DAB1: variants seen among roughly 807,000 people sequenced by gnomAD.
DAB1 encodes DAB adaptor protein 1, also known as disabled homolog 1.
DAB1 carries 15 observed loss-of-function variants against 64.6 expected under a neutral mutation model. That is an observed-to-expected ratio of 0.23 (90% confidence interval 0.16 to 0.36). DAB1 has a LOEUF of 0.36. DAB1 is among the 10% of genes least tolerant of loss of function. DAB1 has a pLI of 1.00. For missense variants in DAB1, 596 were observed against 706.7 expected, an observed-to-expected ratio of 0.84 and a Z score of 1.78; for synonymous variants, 235 against 251.9, an observed-to-expected ratio of 0.93 and a Z score of 0.64.
chr1:58,026,861 A>G (rs1414963104), intron 5 of DAB1, among the ~76,000 whole-genome samples: 2 of 152,176 alleles, frequency 1.3e-5, no homozygotes, highest in Non-Finnish European at 2.9e-5. Flanking sequence ...CTGGAGGTCA[A>G]TTTGCCAGGT....
intron 6 of DAB1, among the ~76,000 whole-genome samples, chr1:57,735,609 G>GTTTTTTTTTT (rs59456674): frequency 1.1e-5 from 1 of 95,198 alleles, no homozygotes; most frequent in African/African-American, 4.2e-5. Flanking sequence ...CTGTTTGCTT[G>GTTTTTTTTTT]TTTTTTTTTT....
chr1:58,062,487 C>T (rs1309215343), intron 5 of DAB1, among the ~76,000 whole-genome samples: 1 of 152,212 alleles, frequency 6.6e-6, no homozygotes, highest in Non-Finnish European at 1.5e-5. Context: ...TCTGCTATTC[C>T]AGCTTCCAAG....
chr1:57,384,204 A>T (rs983592992), intron 1 of DAB1, among the ~76,000 whole-genome samples: 3 of 152,180 alleles, frequency 2.0e-5, no homozygotes, highest in African/African-American at 7.2e-5. Context: ...ATCACTTCAC[A>T]TCTGTTAGGA....
chr1:58,302,631 CTGTG>C (rs1662198510), intron 4 of DAB1, among the ~76,000 whole-genome samples: 1 of 151,502 alleles, frequency 6.6e-6, no homozygotes, highest in African/African-American at 2.4e-5. Context: ...CATTTTCTAG[CTGTG>C]TGGCTCCAAG....
intron 2 of DAB1, among the ~76,000 whole-genome samples, chr1:57,252,392 A>G (rs1474658121): frequency 6.6e-6 from 1 of 152,194 alleles, no homozygotes; most frequent in Non-Finnish European, 1.5e-5. Context: ...TCCATTGATA[A>G]TAACAATAAA....
chr1:58,140,391 TG>T (rs1465843940), intron 5 of DAB1, among the ~76,000 whole-genome samples: 1 of 152,162 alleles, frequency 6.6e-6, no homozygotes, highest in African/African-American at 2.4e-5. Flanking sequence ...TTTCAGCCTT[TG>T]TCTCCCTCCA....
chr1:57,419,189 C>T (rs968608305), intron 1 of DAB1, among the ~76,000 whole-genome samples: 2 of 152,170 alleles, frequency 1.3e-5, no homozygotes, highest in Non-Finnish European at 2.9e-5. Context: ...TTTCAAGCCA[C>T]GTCTCTATCC....
intron 2 of DAB1, among the ~76,000 whole-genome samples, chr1:57,154,814 A>G (rs1474931630): frequency 6.6e-6 from 1 of 152,118 alleles, no homozygotes; most frequent in Non-Finnish European, 1.5e-5. Flanking sequence ...GCACCTTTTC[A>G]TATGCCTGTT....
chr1:57,466,810 C>T (rs1686968947), intron 7 of DAB1, among the ~76,000 whole-genome samples: 1 of 152,100 alleles, frequency 6.6e-6, no homozygotes, highest in Non-Finnish European at 1.5e-5. Context: ...ACTGTCAACC[C>T]CTAATGCTAC....
intron 6 of DAB1, among the ~76,000 whole-genome samples, chr1:57,684,584 C>T (rs531690136): frequency 1.8e-4 from 28 of 152,280 alleles, no homozygotes; most frequent in Middle Eastern, 3.4e-3. Context: ...TTCATTACAA[C>T]TAGATCAGTC....
chr1:58,195,134 GAGAGAGAGACAGAGAGAC>G (rs940286235), intron 4 of DAB1, among the ~76,000 whole-genome samples: 18 of 139,996 alleles, frequency 1.3e-4, no homozygotes, highest in Admixed American at 3.5e-4. Context: ...AGGAGAGAGA[GAGAGAGAGACAGAGAGAC>G]AGAGAGAGAC....
chr1:57,379,849 C>T (rs534586512), intron 1 of DAB1, among the ~76,000 whole-genome samples: 13 of 152,182 alleles, frequency 8.5e-5, no homozygotes, highest in East Asian at 3.9e-4. Flanking sequence ...CAAGGGCTTG[C>T]GTTCAAAATC....
At chr1:58,184,146 G>A (rs1218729002) in intron 4 of DAB1, among the ~76,000 whole-genome samples, 2 of 151,880 alleles carry the variant, frequency 1.3e-5, no homozygotes, top group Non-Finnish European at 2.9e-5. Context: ...GTTCAGAACT[G>A]CCTGGGATTT....
intron 1 of DAB1, among the ~76,000 whole-genome samples, chr1:57,330,640 C>T (rs35120429): frequency 0.021 from 3,265 of 152,214 alleles, 44 homozygotes; most frequent in South Asian, 0.052. Context: ...AACGAGAAAA[C>T]AGTGTCGACG....
chr1:57,707,393 G>C (rs546706725), intron 6 of DAB1, among the ~76,000 whole-genome samples: 1 of 151,366 alleles, frequency 6.6e-6, no homozygotes, highest in African/African-American at 2.4e-5. Context: ...TCATAGTACG[G>C]ATGTGTTGCA....
Position 57,117,969 on chromosome 1 carries a change from G to A in DAB1, c.306+18574C>T, listed in dbSNP as rs749855165. 2.6e-5 allele frequency among the ~76,000 whole-genome samples: 4 copies of A among 152,184 alleles called. No homozygotes were observed. The East Asian group carries it at 7.7e-4, about 29-fold the overall frequency. On this transcript the variant is annotated intron_variant, in intron 4 of 14. Transcript: ENST00000371236. ...GTTCAGCTGGCTTGCTGCATCAGGA[G>A]CCAAAGGCTAAGAATACAGCCAGGC...
intron 2 of DAB1, among the ~76,000 whole-genome samples, chr1:57,253,955 T>G (rs1432774116): frequency 6.6e-6 from 1 of 152,210 alleles, no homozygotes; most frequent in Non-Finnish European, 1.5e-5. Flanking sequence ...CCTTTATCAT[T>G]TCCTGATCTC....
intron 5 of DAB1, among the ~76,000 whole-genome samples, chr1:58,051,460 G>C (rs888350535): frequency 1.3e-5 from 2 of 152,158 alleles, no homozygotes; most frequent in African/African-American, 4.8e-5. Context: ...ATGGACATTT[G>C]GGTTGGTTCC....
At chr1:57,486,658 T>TC (rs909153978) in intron 7 of DAB1, among the ~76,000 whole-genome samples, 3 of 151,746 alleles carry the variant, frequency 2.0e-5, no homozygotes, top group African/African-American at 7.3e-5. Context: ...CATCTTACCC[T>TC]CCCCCCGACT....
Sources: gnomAD v4.1 joint callset for allele counts (sites outside exome capture counted in the v4.1 genomes callset) on GRCh38, gnomAD v4.1.1 for gene constraint, MANE v1.5 for transcripts, NCBI Gene and HGNC (gene_info 2026-07-23, HGNC 2026-07-21) for gene names.